PTPRD: variants seen among roughly 807,000 people sequenced by gnomAD.
PTPRD encodes receptor-type tyrosine-protein phosphatase delta.
Under a neutral mutation model 214.5 loss-of-function variants are expected in PTPRD, and 34 were observed. The observed-to-expected ratio is 0.16, with a 90% CI of 0.12 to 0.21. The LOEUF is 0.21. PTPRD is among the 10% of genes least tolerant of loss of function. The pLI is 1.00. For missense variants in PTPRD, 2,545 were observed against 2,398.7 expected, an observed-to-expected ratio of 1.06 and a Z score of -1.27; for synonymous variants, 1,128 against 845.7, an observed-to-expected ratio of 1.33 and a Z score of -5.79.
chr9:10,463,373 TAGAG>T (rs1408572639), intron 2 of PTPRD, among the ~76,000 whole-genome samples: 16 of 151,980 alleles, frequency 1.1e-4, no homozygotes, highest in African/African-American at 2.9e-4. Context: ...ACCAATTTAA[TAGAG>T]AGAGACAGAG....
At chr9:9,033,662 T>C (rs1262471660) in intron 10 of PTPRD, among the ~76,000 whole-genome samples, 1 of 152,108 alleles carries the variant, frequency 6.6e-6, no homozygotes, top group African/African-American at 2.4e-5. Context: ...AACCAACCTC[T>C]CTACTGCTCT....
intron 3 of PTPRD, among the ~76,000 whole-genome samples, chr9:10,238,458 TC>T (rs1245408913): frequency 1.3e-5 from 2 of 151,952 alleles, no homozygotes; most frequent in Non-Finnish European, 2.9e-5. Context: ...TTCTCCTTGT[TC>T]TTTGGACATA....
At chr9:8,777,134 C>A (rs970199592) in intron 11 of PTPRD, among the ~76,000 whole-genome samples, 1 of 151,806 alleles carries the variant, frequency 6.6e-6, no homozygotes, top group African/African-American at 2.4e-5. Flanking sequence ...TGCGTGCCAC[C>A]GCGCCTAATT....
intron 2 of PTPRD, among the ~76,000 whole-genome samples, chr9:10,518,621 C>T (rs1023164559): frequency 6.6e-6 from 1 of 151,972 alleles, no homozygotes; most frequent in Non-Finnish European, 1.5e-5. Flanking sequence ...CAAGCTCCGC[C>T]TCCCAGGTTC....
chr9:9,689,904 TG>T (rs763813210), intron 7 of PTPRD, among the ~76,000 whole-genome samples: 7 of 151,912 alleles, frequency 4.6e-5, no homozygotes, highest in Non-Finnish European at 8.8e-5. Context: ...TTAATTAGGT[TG>T]CTTCTATATT....
chr9:9,496,649 G>A (rs1277533439), intron 8 of PTPRD, among the ~76,000 whole-genome samples: 1 of 152,172 alleles, frequency 6.6e-6, no homozygotes, highest in African/African-American at 2.4e-5. Flanking sequence ...TGCAATGTTG[G>A]TGGGAATGTA....
At chr9:9,289,844 CTTTA>C (rs1950587020) in intron 9 of PTPRD, among the ~76,000 whole-genome samples, 1 of 151,614 alleles carries the variant, frequency 6.6e-6, no homozygotes, top group Admixed American at 6.6e-5. Flanking sequence ...ACCATATTTT[CTTTA>C]TTTATCTCTC....
At chr9:9,090,967 A>G in intron 10 of PTPRD, 3 of 1,579,288 alleles carry the variant, frequency 1.9e-6, no homozygotes, top group South Asian at 1.1e-5. Flanking sequence ...TATTCGCTGC[A>G]CTAACTGTGC....
chr9:9,099,285 C>A (rs932101966), intron 10 of PTPRD, among the ~76,000 whole-genome samples: 1 of 152,080 alleles, frequency 6.6e-6, no homozygotes, highest in Admixed American at 6.6e-5. Flanking sequence ...CATAATTATT[C>A]ATTTTCTTAT....
intron 10 of PTPRD, among the ~76,000 whole-genome samples, chr9:9,031,709 T>A (rs1212320293): frequency 2.0e-5 from 3 of 152,124 alleles, no homozygotes; most frequent in East Asian, 1.9e-4. Flanking sequence ...AAGACAAAAT[T>A]CATGCACAAA....
rs573516096 is a variant in PTPRD at position 9,996,169 on chromosome 9, ATGAAGGAC to A, written c.-472+37541_-472+37548del. ...CATAGAATGTATTGCCCAGAAATAA[ATGAAGGAC>A]TGATATCCTTATATTGGTCTGATAT... On this transcript the variant is annotated intron_variant, in intron 4 of 45. Transcript: ENST00000381196. Among the ~76,000 whole-genome samples the A allele has an allele frequency of 1.9e-4, 29 of 152,316 alleles. 1 individual carries two copies. In the East Asian group the frequency reaches 4.6e-3, roughly 24 times the overall value.
chr9:10,110,719 A>C (rs1285906618), intron 3 of PTPRD, among the ~76,000 whole-genome samples: 2 of 152,208 alleles, frequency 1.3e-5, no homozygotes, highest in Non-Finnish European at 2.9e-5. Flanking sequence ...AGGTTGGCAA[A>C]AATTATTGTG....
intron 12 of PTPRD, among the ~76,000 whole-genome samples, chr9:8,638,878 CTGTCG>C (rs548188792): frequency 1.2e-3 from 185 of 152,176 alleles, no homozygotes; most frequent in African/African-American, 4.2e-3. Flanking sequence ...GAGTCTCACT[CTGTCG>C]CCAGGGTGGA....
intron 2 of PTPRD, among the ~76,000 whole-genome samples, chr9:10,530,901 C>T (rs919106797): frequency 6.6e-6 from 1 of 151,962 alleles, no homozygotes; most frequent in Non-Finnish European, 1.5e-5. Context: ...CTATTAAATC[C>T]ACCATAGTTA....
At chr9:8,911,073 T>C (rs1332529230) in intron 11 of PTPRD, among the ~76,000 whole-genome samples, 2 of 152,228 alleles carry the variant, frequency 1.3e-5, no homozygotes, top group Non-Finnish European at 2.9e-5. Context: ...TGGCACAGCA[T>C]TTCAACACAG....
intron 3 of PTPRD, among the ~76,000 whole-genome samples, chr9:10,106,728 T>G (rs1483639670): frequency 6.6e-6 from 1 of 151,958 alleles, no homozygotes. Flanking sequence ...AAAACGTGTC[T>G]TTCTCTTTCT....
chr9:8,712,873 C>T (rs1185744921), intron 12 of PTPRD, among the ~76,000 whole-genome samples: 1 of 152,094 alleles, frequency 6.6e-6, no homozygotes, highest in Non-Finnish European at 1.5e-5. Flanking sequence ...CACCCGCCAC[C>T]ACGCCTGACT....
intron 5 of PTPRD, among the ~76,000 whole-genome samples, chr9:9,799,959 G>C (rs909302040): frequency 2.0e-5 from 3 of 152,110 alleles, no homozygotes; most frequent in Non-Finnish European, 4.4e-5. Context: ...AGTACAAAAA[G>C]AAATTCCTTT....
At chr9:8,929,939 A>ATGTGTGTG (rs2098939847) in intron 11 of PTPRD, among the ~76,000 whole-genome samples, 1 of 137,408 alleles carries the variant, frequency 7.3e-6, no homozygotes. Context: ...GTGTATATAT[A>ATGTGTGTG]TATGTGTGTG....
Sources: allele counts gnomAD v4.1 joint callset (sites outside exome capture counted in the v4.1 genomes callset), GRCh38; gene constraint gnomAD v4.1.1; transcripts MANE v1.5; gene names NCBI Gene and HGNC (gene_info 2026-07-23, HGNC 2026-07-21).